Variants in RUNX2 observed in about 807,000 individuals in gnomAD.
RUNX2 encodes runt-related transcription factor 2.
Under a neutral mutation model 51.7 loss-of-function variants are expected in RUNX2, and 10 were observed. The ratio of observed to expected loss-of-function variants is 0.19; its 90% CI spans 0.12 to 0.33. The LOEUF (loss-of-function observed/expected upper bound fraction) is 0.33, where lower values mean the gene tolerates loss of function less well. Ranked by LOEUF, RUNX2 falls within the 10% of genes least tolerant of loss-of-function variation. RUNX2 has a pLI of 1.00. For synonymous variants in RUNX2, 276 were observed against 273.6 expected (o/e 1.01, Z -0.09); for missense variants, 562 against 691.3 (o/e 0.81, Z 2.10).
intron 6 of RUNX2, among the ~76,000 whole-genome samples, chr6:45,499,761 C>T (rs1800747042): frequency 6.6e-6 from 1 of 152,128 alleles, no homozygotes; most frequent in Non-Finnish European, 1.5e-5. Flanking sequence ...GGGTTCATCT[C>T]CTATATAATG....
chr6:45,391,750 C>A (rs968208816), intron 2 of RUNX2, among the ~76,000 whole-genome samples: 9 of 152,120 alleles, frequency 5.9e-5, no homozygotes, highest in Admixed American at 5.2e-4. Context: ...CCTTATAAAA[C>A]TCACTATCAC....
chr6:45,412,128 G>A (rs865774182), intron 2 of RUNX2, among the ~76,000 whole-genome samples: 12 of 148,862 alleles, frequency 8.1e-5, no homozygotes, highest in African/African-American at 2.2e-4. Context: ...CCAGAAAATC[G>A]CTTGAGGCCA....
intron 3 of RUNX2, among the ~76,000 whole-genome samples, chr6:45,431,589 G>A (rs761791857): frequency 5.9e-5 from 9 of 152,130 alleles, no homozygotes; most frequent in African/African-American, 1.7e-4. Context: ...GCTTAACATG[G>A]GGATTTAATA....
intron 2 of RUNX2, chr6:45,422,282 C>A (rs1180876350): frequency 4.7e-5 from 17 of 360,044 alleles, no homozygotes; most frequent in Non-Finnish European, 1.5e-5. Context: ...GCCAAACACA[C>A]CCCCGCGCCC....
At chr6:45,400,025 G>A (rs889700689) in intron 2 of RUNX2, among the ~76,000 whole-genome samples, 2 of 143,326 alleles carry the variant, frequency 1.4e-5, no homozygotes, top group Non-Finnish European at 3.1e-5. Context: ...AAAGAAGGAG[G>A]GAGGGAGGGA....
rs1275943603 is a variant in RUNX2 at position 45,476,711 on chromosome 6, C to A, written c.686-15230C>A. On this transcript the variant is annotated intron_variant, in intron 5 of 8. Coordinates refer to ENST00000647337, the MANE Select transcript of RUNX2 (RefSeq NM_001024630.4). ...TAAGAAATAAAAGTTTATACTGCGA[C>A]CTGGTATATAAAATTATAGACCAGT... Among the ~76,000 whole-genome samples the A allele has an allele frequency of 2.6e-5, 4 of 152,242 alleles. No individual in the cohort carries two copies. In the East Asian group the frequency reaches 5.8e-4, roughly 22 times the overall value.
At chr6:45,385,999 T>C (rs1797338679) in intron 2 of RUNX2, among the ~76,000 whole-genome samples, 1 of 152,160 alleles carries the variant, frequency 6.6e-6, no homozygotes, top group Non-Finnish European at 1.5e-5. Flanking sequence ...TAAGTAGTTT[T>C]TTCTTTTCTT....
intron 5 of RUNX2, among the ~76,000 whole-genome samples, chr6:45,478,249 G>A (rs1295184885): frequency 6.6e-6 from 1 of 152,104 alleles, no homozygotes; most frequent in Non-Finnish European, 1.5e-5. Flanking sequence ...TATACCGTGA[G>A]CACCCTAGTT....
chr6:45,412,772 T>C (rs950249524), intron 2 of RUNX2, among the ~76,000 whole-genome samples: 2 of 151,892 alleles, frequency 1.3e-5, no homozygotes, highest in Admixed American at 1.3e-4. Context: ...TGAGACGGAG[T>C]CTCGCTCTGT....
intron 7 of RUNX2, among the ~76,000 whole-genome samples, chr6:45,533,472 T>C (rs1017026080): frequency 6.6e-6 from 1 of 152,200 alleles, no homozygotes; most frequent in Non-Finnish European, 1.5e-5. Flanking sequence ...TATTCTAAAA[T>C]ATACAAACAG....
At chr6:45,530,076 T>C (rs1268607550) in intron 7 of RUNX2, among the ~76,000 whole-genome samples, 2 of 152,188 alleles carry the variant, frequency 1.3e-5, no homozygotes, top group Non-Finnish European at 2.9e-5. Flanking sequence ...CAAGCTAGTA[T>C]TTGAGGTGTC....
At chr6:45,431,198 T>G (rs1798532644) in intron 3 of RUNX2, among the ~76,000 whole-genome samples, 1 of 152,156 alleles carries the variant, frequency 6.6e-6, no homozygotes, top group Non-Finnish European at 1.5e-5. Flanking sequence ...GCTAAGGGTA[T>G]ATATTGTTTT....
chr6:45,481,359 G>A (rs1310721801), intron 5 of RUNX2, among the ~76,000 whole-genome samples: 2 of 152,004 alleles, frequency 1.3e-5, no homozygotes, highest in African/African-American at 2.4e-5. Flanking sequence ...AAATGTTACC[G>A]CTAAAAAAAT....
At chr6:45,531,774 A>G (rs1319069) in intron 7 of RUNX2, among the ~76,000 whole-genome samples, 15,676 of 152,092 alleles carry the variant, frequency 0.1, 1,002 homozygotes, top group Non-Finnish European at 0.15. Context: ...AACTCAAAAT[A>G]TATGGTTTTA....
In RUNX2 at chr6:45,341,984, A is replaced by C. The variant is rs139352600; in HGVS notation, c.58+13200A>C. Among the ~76,000 whole-genome samples the C allele has an allele frequency of 1.0e-3, 157 of 152,232 alleles. 2 individuals are homozygous for C. Among genetic ancestry groups the C allele is most frequent in the Admixed American group, 9.4e-3 (143 of 15,278 alleles). ...TTCACAAATAACATGGTGATTTAGT[A>C]GTTATTAACCTAGCATTAAAAAAAA... On this transcript the variant is annotated intron_variant, in intron 2 of 8. Coordinates refer to ENST00000647337, the MANE Select transcript of RUNX2 (RefSeq NM_001024630.4).
At chr6:45,346,666 C>A (rs888963468) in intron 2 of RUNX2, among the ~76,000 whole-genome samples, 9 of 150,754 alleles carry the variant, frequency 6.0e-5, no homozygotes, top group African/African-American at 2.2e-4. Flanking sequence ...CTCCTGGGTT[C>A]AAGCAATTCT....
intron 2 of RUNX2, among the ~76,000 whole-genome samples, chr6:45,337,251 A>G (rs1244052622): frequency 1.3e-5 from 2 of 151,726 alleles, no homozygotes; most frequent in African/African-American, 4.8e-5. Flanking sequence ...TGCAATTATA[A>G]TGTGTGATAC....
intron 5 of RUNX2, among the ~76,000 whole-genome samples, chr6:45,458,371 A>G (rs996001639): frequency 1.3e-5 from 2 of 151,090 alleles, no homozygotes; most frequent in African/African-American, 2.5e-5. Flanking sequence ...CTTTTAGGCA[A>G]TGAAGAGTAT....
At chr6:45,527,249 G>A (rs1274210077) in intron 7 of RUNX2, among the ~76,000 whole-genome samples, 2 of 152,196 alleles carry the variant, frequency 1.3e-5, no homozygotes, top group East Asian at 1.9e-4. Context: ...CTGGGTCCAA[G>A]TTATGCAGGG....
Sources: gnomAD v4.1 joint callset for allele counts (sites outside exome capture counted in the v4.1 genomes callset) on GRCh38, gnomAD v4.1.1 for gene constraint, MANE v1.5 for transcripts, NCBI Gene and HGNC (gene_info 2026-07-23, HGNC 2026-07-21) for gene names.